CNBD1: variants seen among roughly 807,000 people sequenced by gnomAD.
The protein encoded by CNBD1 is cyclic nucleotide binding domain containing 1.
In CNBD1, 71 loss-of-function variants were observed where a neutral mutation model predicts 54.4. The ratio of observed to expected loss-of-function variants is 1.30; its 90% CI spans 1.08 to 1.59. The LOEUF (loss-of-function observed/expected upper bound fraction) is 1.59, where lower values mean the gene tolerates loss of function less well. Among genes scored for constraint, CNBD1 ranks in the 40% most tolerant of loss-of-function variants. CNBD1 has a pLI of 0.00. For synonymous variants in CNBD1, 182 were observed against 170.7 expected, an observed-to-expected ratio of 1.07 and a Z score of -0.51; for missense variants, 659 against 518.0, an observed-to-expected ratio of 1.27 and a Z score of -2.64.
At chr8:86,872,524 G>C (rs752006251) in intron 1 of CNBD1, among the ~76,000 whole-genome samples, 1 of 152,080 alleles carries the variant, frequency 6.6e-6, no homozygotes, top group African/African-American at 2.4e-5. Flanking sequence ...TTTCCAAAAT[G>C]ACTATATTAA....
At chr8:87,374,882 A>T (rs1316587268) in intron 10 of CNBD1, among the ~76,000 whole-genome samples, 1 of 151,908 alleles carries the variant, frequency 6.6e-6, no homozygotes, top group Non-Finnish European at 1.5e-5. Flanking sequence ...TGTTGAATTA[A>T]GCAACCAAGA....
At chr8:86,874,986 TTATATATATATATATATATATA>T (rs10584669) in intron 1 of CNBD1, among the ~76,000 whole-genome samples, 13 of 120,120 alleles carry the variant, frequency 1.1e-4, no homozygotes, top group Admixed American at 3.3e-4. Flanking sequence ...GTAAATCAAT[TTATATATATATATATATATATA>T]TATATATATA....
intron 5 of CNBD1, among the ~76,000 whole-genome samples, chr8:87,236,229 T>C (rs1807582487): frequency 6.6e-6 from 1 of 152,170 alleles, no homozygotes; most frequent in African/African-American, 2.4e-5. Context: ...CTTACCCCCT[T>C]ATTCTTCAAA....
At chr8:87,421,340 G>T (rs574095738) in intron 2 of CNBD1, among the ~76,000 whole-genome samples, 130 of 150,386 alleles carry the variant, frequency 8.6e-4, no homozygotes, top group Non-Finnish European at 1.5e-3. Context: ...TAGTTACATA[G>T]GTATACATGT....
At chr8:87,148,053 A>C (rs1812526722) in intron 4 of CNBD1, among the ~76,000 whole-genome samples, 1 of 152,188 alleles carries the variant, frequency 6.6e-6, no homozygotes, top group Admixed American at 6.5e-5. Context: ...GTATTGAAGA[A>C]AATACACTGT....
intron 10 of CNBD1, among the ~76,000 whole-genome samples, chr8:87,360,448 A>G (rs1176621332): frequency 6.6e-6 from 1 of 151,854 alleles, no homozygotes; most frequent in East Asian, 1.9e-4. Flanking sequence ...GCTTAAGCAA[A>G]TATAAATTTC....
intron 5 of CNBD1, among the ~76,000 whole-genome samples, chr8:87,226,547 A>G (rs377252755): frequency 0.022 from 3,078 of 138,196 alleles, 59 homozygotes; most frequent in African/African-American, 0.091. Flanking sequence ...GTAGTTGAGC[A>G]GTTTTGAGTG....
At chr8:87,392,038 T>C (rs546220666) in intron 2 of CNBD1, among the ~76,000 whole-genome samples, 1 of 152,134 alleles carries the variant, frequency 6.6e-6, no homozygotes, top group African/African-American at 2.4e-5. Flanking sequence ...GAATGGCTGA[T>C]AAGCACAGAA....
chr8:87,231,608 A>T (rs970490559), intron 5 of CNBD1, among the ~76,000 whole-genome samples: 1 of 151,286 alleles, frequency 6.6e-6, no homozygotes, highest in African/African-American at 2.5e-5. Context: ...GTCAAACAAT[A>T]TTTGCTGTCA....
chr8:87,313,488 T>C (rs1309531128), intron 8 of CNBD1, among the ~76,000 whole-genome samples: 2 of 152,016 alleles, frequency 1.3e-5, no homozygotes, highest in Middle Eastern at 3.2e-3. Flanking sequence ...AGAAGAACTA[T>C]AATGTATGTA....
At chr8:86,866,616 C>T (rs537396475) in intron 1 of CNBD1, 33 bp downstream of exon 1, 4 of 1,511,352 alleles carry the variant, frequency 2.6e-6, no homozygotes, top group East Asian at 2.3e-5. Context: ...CTCTTATTCA[C>T]CTACCATTGT....
chr8:87,293,013 A>G (rs886898010), intron 8 of CNBD1, among the ~76,000 whole-genome samples: 1 of 152,076 alleles, frequency 6.6e-6, no homozygotes, highest in Non-Finnish European at 1.5e-5. Flanking sequence ...CTTTTTATTT[A>G]AGTTAGATCG....
chr8:86,942,704 G>A (rs965761628), intron 4 of CNBD1, among the ~76,000 whole-genome samples: 1 of 152,118 alleles, frequency 6.6e-6, no homozygotes, highest in Non-Finnish European at 1.5e-5. Context: ...ATATCCCATC[G>A]GGTTTTGCAG....
intron 3 of CNBD1, among the ~76,000 whole-genome samples, chr8:86,935,566 A>G (rs926652040): frequency 1.9e-4 from 29 of 152,046 alleles, no homozygotes; most frequent in African/African-American, 7.0e-4. Context: ...ATCTTTTTCT[A>G]TCTGTGGGAT....
chr8:87,256,991 A>G (rs1238681722), intron 6 of CNBD1, among the ~76,000 whole-genome samples: 1 of 152,028 alleles, frequency 6.6e-6, no homozygotes, highest in Admixed American at 6.6e-5. Flanking sequence ...CCTGGTGAAA[A>G]TATACTGTAA....
At chr8:86,904,033 G>C (rs981289366) in intron 2 of CNBD1, among the ~76,000 whole-genome samples, 1 of 151,902 alleles carries the variant, frequency 6.6e-6, no homozygotes, top group African/African-American at 2.4e-5. Flanking sequence ...CATGAAATAA[G>C]ATTTTTAAAG....
At chr8:86,930,478 G>C (rs1270185381) in intron 3 of CNBD1, among the ~76,000 whole-genome samples, 1 of 152,168 alleles carries the variant, frequency 6.6e-6, no homozygotes, top group Non-Finnish European at 1.5e-5. Flanking sequence ...TGACCAAACA[G>C]ATGAGGGCTA....
chr8:87,066,919 T>C (rs2130646898), intron 4 of CNBD1, among the ~76,000 whole-genome samples: 1 of 152,128 alleles, frequency 6.6e-6, no homozygotes, highest in South Asian at 2.1e-4. Context: ...AAGTTAGACA[T>C]TTGGCTTTTC....
At chr8:87,034,910 A>G (rs1809878736) in intron 4 of CNBD1, among the ~76,000 whole-genome samples, 1 of 152,118 alleles carries the variant, frequency 6.6e-6, no homozygotes, top group Non-Finnish European at 1.5e-5. Flanking sequence ...TGTACAATTT[A>G]AGTTCTTAGA....
Sources: allele counts gnomAD v4.1 joint callset (sites outside exome capture counted in the v4.1 genomes callset), GRCh38; gene constraint gnomAD v4.1.1; transcripts MANE v1.5; gene names NCBI Gene and HGNC (gene_info 2026-07-23, HGNC 2026-07-21).